Variants in PSMB2 observed in about 807,000 individuals in gnomAD.
PSMB2 encodes proteasome subunit beta type-2.
Under a neutral mutation model 25.7 loss-of-function variants are expected in PSMB2, and 13 were observed. The ratio of observed to expected loss-of-function variants is 0.51; its 90% confidence interval spans 0.33 to 0.80. PSMB2 has a LOEUF of 0.80. Ranked by LOEUF, PSMB2 falls within the 30% of genes least tolerant of loss-of-function variation. PSMB2 has a pLI of 0.02. For missense variants in PSMB2, 202 were observed against 259.0 expected (o/e 0.78, Z 1.51); for synonymous variants, 87 against 96.2 (o/e 0.90, Z 0.56).
intron 4 of PSMB2, among the ~76,000 whole-genome samples, 178 bp from the exon 5 acceptor site, chr1:35,605,460 G>A (rs1032234955): frequency 3.9e-5 from 6 of 152,208 alleles, no homozygotes; most frequent in South Asian, 2.1e-4. Flanking sequence ...CAGCTGGGGG[G>A]GCCCCAGACC....
At chr1:35,620,887 A>T (rs1273428004) in intron 3 of PSMB2, among the ~76,000 whole-genome samples, 1 of 151,834 alleles carries the variant, frequency 6.6e-6, no homozygotes, top group Admixed American at 6.6e-5. Context: ...GCTGGTCTCG[A>T]ACTCCTGGCC....
chr1:35,605,282 G>A lies in PSMB2; in HGVS notation c.449C>T (p.Thr150Ile). The change falls in exon 5 of 6, where the codon ACT becomes ATT. Residue 150 changes from threonine (T) to isoleucine (I), a missense_variant and splice_region_variant. By Grantham distance (89) the Thr-to-Ile change is moderately conservative. Transcript: ENST00000373237. ...TTCCACTGCCCTCTCACGTGAGATAGCTGAAAGAGAACACAGAGACCAAAT... is the reference window on the plus strand; with the variant it reads ...TTCCACTGCCCTCTCACGTGAGATAACTGAAAGAGAACACAGAGACCAAAT... Reference protein sequence around the residue: ...LSILDRYYTPTISRERAVELL... With the variant: ...LSILDRYYTPIISRERAVELL... The A allele has an allele frequency of 1.2e-6, 2 of 1,612,790 alleles. No homozygotes were observed. The highest frequency in any genetic ancestry group is 2.2e-5 in the South Asian group (2 of 90,928).
At chr1:35,609,540 G>A in intron 3 of PSMB2, 132 bp from the exon 4 acceptor site, 1 of 867,034 alleles carries the variant, frequency 1.2e-6, no homozygotes. Context: ...CACAATGAAA[G>A]TAAAAATGTA....
chr1:35,641,360 T>C lies in PSMB2; in HGVS notation c.73A>G (p.Ile25Val), dbSNP rs1208038745. 1.2e-6 allele frequency: 2 copies of C among 1,613,810 alleles called. No individual in the cohort carries two copies. The highest frequency in any genetic ancestry group is 2.2e-5 in the East Asian group (1 of 44,862). The change falls in exon 1 of 6, where the codon ATT becomes GTT. Residue 25 changes from isoleucine to valine, a missense_variant. Ile to Val is a conservative substitution (Grantham distance 29). Transcript: ENST00000373237. Reference sequence around the variant, plus strand: ...CTCTCACCGTCCTTCATCTGGACAATATTGCTGGCGGCCACCCGGTCGGAG... The same window carrying C: ...CTCTCACCGTCCTTCATCTGGACAACATTGCTGGCGGCCACCCGGTCGGAG... Reference protein sequence around the residue: ...VASDRVAASNIVQMKDDHDKM... With the variant: ...VASDRVAASNVVQMKDDHDKM...
At chr1:35,638,165 G>A (rs928647473) in intron 1 of PSMB2, among the ~76,000 whole-genome samples, 1 of 152,030 alleles carries the variant, frequency 6.6e-6, no homozygotes, top group African/African-American at 2.4e-5. Flanking sequence ...TTAATACAAG[G>A]CCAAAAATGT....
chr1:35,607,491 T>A (rs553905073), intron 4 of PSMB2, among the ~76,000 whole-genome samples: 1 of 152,202 alleles, frequency 6.6e-6, no homozygotes, highest in African/African-American at 2.4e-5. Context: ...CTCATCCCAG[T>A]TAGGAATAGC....
intron 2 of PSMB2, among the ~76,000 whole-genome samples, chr1:35,635,964 T>C (rs1651236024): frequency 6.6e-6 from 1 of 152,208 alleles, no homozygotes; most frequent in Non-Finnish European, 1.5e-5. Context: ...TGTTGAAGTC[T>C]TAATCCCTAG....
chr1:35,626,443 C>T (rs1254654706), intron 3 of PSMB2, among the ~76,000 whole-genome samples: 2 of 152,190 alleles, frequency 1.3e-5, no homozygotes, highest in South Asian at 2.1e-4. Flanking sequence ...CTGGATGACA[C>T]TTTTTCAGCA....
At chr1:35,617,842 T>C (rs1174304040) in intron 3 of PSMB2, among the ~76,000 whole-genome samples, 1 of 152,152 alleles carries the variant, frequency 6.6e-6, no homozygotes, top group Non-Finnish European at 1.5e-5. Flanking sequence ...TTTACATTAG[T>C]ATGTAAACCA....
At chr1:35,631,518 T>C in intron 2 of PSMB2, 174 bp from the exon 3 acceptor site, 1 of 1,427,094 alleles carries the variant, frequency 7.0e-7, no homozygotes, top group Non-Finnish European at 9.2e-7. Context: ...GCAACAGCTA[T>C]GAAATAGCTG....
intron 5 of PSMB2, among the ~76,000 whole-genome samples, chr1:35,604,105 A>G (rs1650089829): frequency 6.6e-6 from 1 of 151,854 alleles, no homozygotes; most frequent in Admixed American, 6.6e-5. Context: ...AAGCAAACTG[A>G]CATTACTCCC....
chr1:35,635,264 A>G (rs1651212830), intron 2 of PSMB2, among the ~76,000 whole-genome samples: 1 of 151,732 alleles, frequency 6.6e-6, no homozygotes, highest in Admixed American at 6.6e-5. Flanking sequence ...CATCTCAAAA[A>G]AAAAAAAAAT....
intron 3 of PSMB2, among the ~76,000 whole-genome samples, chr1:35,614,367 T>G (rs76901887): frequency 0.039 from 5,871 of 152,300 alleles, 355 homozygotes; most frequent in African/African-American, 0.12. Flanking sequence ...GCACTGCCAG[T>G]GATCCTCTTG....
intron 3 of PSMB2, among the ~76,000 whole-genome samples, chr1:35,617,761 G>T (rs1482424883): frequency 6.6e-6 from 1 of 152,210 alleles, no homozygotes; most frequent in East Asian, 1.9e-4. Context: ...TACACCTGGA[G>T]AATTAGGTGA....
intron 1 of PSMB2, 145 bp downstream of exon 1, chr1:35,641,197 T>A (rs760363992): frequency 5.2e-4 from 534 of 1,032,592 alleles, no homozygotes; most frequent in Middle Eastern, 9.9e-4. Flanking sequence ...CTCGAAAAAA[T>A]AAATAAATAA....
chr1:35,602,966 T>C lies in PSMB2; in HGVS notation c.*301A>G, dbSNP rs111925848. 6.9e-4 allele frequency: 742 copies of C among 1,074,266 alleles called. 5 individuals carry two copies. In the African/African-American group the frequency reaches 0.011, roughly 16 times the overall value. 66.5% of individuals were successfully genotyped at this position (1,074,266 alleles called of 1,614,324 possible). ...CAAGTAAAATATATGAAAGAGCTAG[T>C]TGGAAAGGAAGCCAAGCATGGAGTA... On this transcript the variant is annotated 3_prime_UTR_variant, in exon 6 of 6. Transcript: ENST00000373237.
chr1:35,603,977 G>C (rs1011943253), intron 5 of PSMB2, among the ~76,000 whole-genome samples: 1 of 146,922 alleles, frequency 6.8e-6, no homozygotes, highest in Non-Finnish European at 1.5e-5. Context: ...AGCTATGATG[G>C]TGCCACTGCA....
intron 3 of PSMB2, among the ~76,000 whole-genome samples, chr1:35,627,173 G>A (rs931023434): frequency 6.6e-6 from 1 of 150,422 alleles, no homozygotes; most frequent in African/African-American, 2.5e-5. Context: ...AGGCTGAAGT[G>A]GGAGTATTGT....
chr1:35,627,125 G>T (rs1650887840), intron 3 of PSMB2, among the ~76,000 whole-genome samples: 1 of 151,098 alleles, frequency 6.6e-6, no homozygotes, highest in Admixed American at 6.6e-5. Context: ...ATCAATACCA[G>T]CATGGTGGCT....
Sources: gnomAD v4.1 joint callset for allele counts (sites outside exome capture counted in the v4.1 genomes callset) on GRCh38, gnomAD v4.1.1 for gene constraint, MANE v1.5 for transcripts, NCBI Gene and HGNC (gene_info 2026-07-23, HGNC 2026-07-21) for gene names.